The following LIMCH1 variants were observed in gnomAD, a reference collection of about 807,000 sequenced individuals.
The protein encoded by LIMCH1 is LIM and calponin homology domains 1, also known as LIM and calponin homology domains-containing protein 1.
Under a neutral mutation model 176.5 loss-of-function variants are expected in LIMCH1, and 113 were observed. The ratio of observed to expected loss-of-function variants is 0.64; its 90% CI spans 0.55 to 0.75. The LOEUF (loss-of-function observed/expected upper bound fraction) is 0.75. Ranked by LOEUF, LIMCH1 falls within the 30% of genes least tolerant of loss-of-function variation. LIMCH1 has a pLI of 0.00. For missense variants in LIMCH1, 1,674 were observed against 1,814.9 expected (o/e 0.92, Z 1.41); for synonymous variants, 619 against 645.9 (o/e 0.96, Z 0.63).
chr4:41,379,893 G>T (rs2055377855), intron 1 of LIMCH1, among the ~76,000 whole-genome samples: 1 of 152,086 alleles, frequency 6.6e-6, no homozygotes, highest in Non-Finnish European at 1.5e-5. Flanking sequence ...CCATCTCCTG[G>T]GTTCAGGCAG....
At chr4:41,450,371 C>G (rs1246785516) in intron 1 of LIMCH1, among the ~76,000 whole-genome samples, 1 of 152,006 alleles carries the variant, frequency 6.6e-6, no homozygotes, top group South Asian at 2.1e-4. Flanking sequence ...ATGGGTAAAT[C>G]ACATTAGGGA....
chr4:41,651,472 C>T (rs944761573), intron 18 of LIMCH1, among the ~76,000 whole-genome samples: 1 of 152,186 alleles, frequency 6.6e-6, no homozygotes, highest in African/African-American at 2.4e-5. Flanking sequence ...AGACACAATT[C>T]AACCTGTATC....
intron 1 of LIMCH1, among the ~76,000 whole-genome samples, chr4:41,478,199 A>G (rs976797285): frequency 2.6e-4 from 39 of 152,230 alleles, no homozygotes; most frequent in African/African-American, 9.4e-4. Context: ...AGCTTAGCTA[A>G]TTATTGAAGG....
At chr4:41,409,504 T>C (rs2059289747) in intron 1 of LIMCH1, among the ~76,000 whole-genome samples, 1 of 152,106 alleles carries the variant, frequency 6.6e-6, no homozygotes, top group South Asian at 2.1e-4. Flanking sequence ...ATTGGGAAAA[T>C]ATTGACTGTT....
intron 2 of LIMCH1, among the ~76,000 whole-genome samples, chr4:41,603,122 C>G (rs1367664109): frequency 6.6e-6 from 1 of 152,140 alleles, no homozygotes; most frequent in Non-Finnish European, 1.5e-5. Context: ...ATATGATAGT[C>G]TTACACTCCC....
chr4:41,487,293 A>G (rs895133920), intron 1 of LIMCH1, among the ~76,000 whole-genome samples: 7 of 152,176 alleles, frequency 4.6e-5, no homozygotes, highest in African/African-American at 1.7e-4. Context: ...ACAAAGATCC[A>G]AGTGCATCTA....
intron 1 of LIMCH1, among the ~76,000 whole-genome samples, chr4:41,450,664 G>A (rs926848947): frequency 2.0e-5 from 3 of 151,598 alleles, no homozygotes; most frequent in African/African-American, 4.8e-5. Flanking sequence ...GCATGGTGGC[G>A]AGCAACTGTA....
intron 2 of LIMCH1, among the ~76,000 whole-genome samples, chr4:41,602,124 C>CAAAAAAAA (rs540240960): frequency 9.6e-5 from 7 of 73,284 alleles, no homozygotes; most frequent in Admixed American, 1.7e-4. Context: ...TTGAGTAGAC[C>CAAAAAAAA]AAAAAAAAAA....
chr4:41,378,648 T>A (rs530106219), intron 1 of LIMCH1, among the ~76,000 whole-genome samples: 5 of 152,154 alleles, frequency 3.3e-5, no homozygotes, highest in African/African-American at 1.2e-4. Flanking sequence ...GGCCATAGGG[T>A]TGTTGCAATA....
At chr4:41,409,104 T>TA (rs2154122497) in intron 1 of LIMCH1, among the ~76,000 whole-genome samples, 1 of 152,338 alleles carries the variant, frequency 6.6e-6, no homozygotes, top group African/African-American at 2.4e-5. Context: ...GAGGACTTTT[T>TA]ATTACATAAG....
At chr4:41,422,681 T>A (rs570479420) in intron 1 of LIMCH1, among the ~76,000 whole-genome samples, 1 of 152,214 alleles carries the variant, frequency 6.6e-6, no homozygotes, top group Non-Finnish European at 1.5e-5. Context: ...ACTAAAAAGC[T>A]GTTTAGCTTG....
intron 14 of LIMCH1, among the ~76,000 whole-genome samples, chr4:41,641,134 C>G (rs924990999): frequency 2.0e-5 from 3 of 152,176 alleles, no homozygotes; most frequent in Admixed American, 2.0e-4. Flanking sequence ...GACTCCTGGA[C>G]TCTGCAGCCA....
intron 18 of LIMCH1, among the ~76,000 whole-genome samples, chr4:41,653,752 A>T (rs371298807): frequency 1.3e-5 from 2 of 152,226 alleles, no homozygotes; most frequent in South Asian, 2.1e-4. Context: ...TGGGCCCGGG[A>T]CGGGCACTAT....
chr4:41,483,611 C>T (rs2069021693), intron 1 of LIMCH1, among the ~76,000 whole-genome samples: 1 of 152,226 alleles, frequency 6.6e-6, no homozygotes, highest in Non-Finnish European at 1.5e-5. Context: ...CATGCCTACT[C>T]TGGCACCTCA....
chr4:41,559,480 T>C (rs1316483301), intron 1 of LIMCH1, among the ~76,000 whole-genome samples: 1 of 152,080 alleles, frequency 6.6e-6, no homozygotes, highest in African/African-American at 2.4e-5. Context: ...CTAAGCCCTC[T>C]TTTACTCTTA....
chr4:41,423,627 A>G (rs749379909), intron 1 of LIMCH1, among the ~76,000 whole-genome samples: 54 of 152,270 alleles, frequency 3.5e-4, no homozygotes, highest in Admixed American at 2.5e-3. Flanking sequence ...GCCTTCTCCA[A>G]GCCTATAGCC....
intron 1 of LIMCH1, among the ~76,000 whole-genome samples, chr4:41,424,580 C>A (rs1418312761): frequency 6.6e-6 from 1 of 152,024 alleles, no homozygotes; most frequent in Non-Finnish European, 1.5e-5. Context: ...CCAAACATAT[C>A]ATTTTTTTTT....
upstream of LIMCH1, among the ~76,000 whole-genome samples, chr4:41,537,076 AAG>A (rs1290883544): frequency 6.6e-6 from 1 of 152,228 alleles, no homozygotes; most frequent in South Asian, 2.1e-4. Context: ...ATAAAGATAA[AAG>A]AGCATAATGC....
chr4:41,451,211 GTTCAAGCTA>G (rs2063832645), intron 1 of LIMCH1, among the ~76,000 whole-genome samples: 1 of 152,076 alleles, frequency 6.6e-6, no homozygotes, highest in Non-Finnish European at 1.5e-5. Flanking sequence ...CGCCTCCCGG[GTTCAAGCTA>G]TTCTCCTGCC....
Sources: allele counts gnomAD v4.1 joint callset (sites outside exome capture counted in the v4.1 genomes callset), GRCh38; gene constraint gnomAD v4.1.1; transcripts MANE v1.5; gene names NCBI Gene and HGNC (gene_info 2026-07-23, HGNC 2026-07-21).